Variants in IFT52 observed in about 807,000 individuals in gnomAD.
IFT52 encodes the protein intraflagellar transport 52, also known as intraflagellar transport protein 52 homolog.
Under a neutral mutation model 54.4 loss-of-function variants are expected in IFT52, and 44 were observed. That is an observed-to-expected ratio of 0.81 (90% CI 0.63 to 1.04). The LOEUF (loss-of-function observed/expected upper bound fraction) is 1.04. Ranked by LOEUF, IFT52 falls within the 50% of genes least tolerant of loss-of-function variation. The pLI is 0.00. For missense variants in IFT52, 452 were observed against 523.6 expected (o/e 0.86, Z 1.33); for synonymous variants, 181 against 185.3 (o/e 0.98, Z 0.19).
intron 10 of IFT52, among the ~76,000 whole-genome samples, chr20:43,630,243 T>A (rs1313033381): frequency 6.6e-6 from 1 of 152,256 alleles, no homozygotes; most frequent in African/African-American, 2.4e-5. Context: ...GCTAGCCAGT[T>A]GCAGTCTGAC....
At chr20:43,634,413 A>C (rs1378590267) in intron 10 of IFT52, among the ~76,000 whole-genome samples, 1 of 152,204 alleles carries the variant, frequency 6.6e-6, no homozygotes, top group Admixed American at 6.5e-5. Flanking sequence ...CAGTCACCAA[A>C]GAAAGTGAAA....
chr20:43,612,361 G>T (rs182406364), intron 6 of IFT52, among the ~76,000 whole-genome samples: 1 of 152,136 alleles, frequency 6.6e-6, no homozygotes, highest in East Asian at 1.9e-4. Flanking sequence ...AAAAGTCATA[G>T]GGTAGATGAG....
intron 13 of IFT52, 65 bp downstream of exon 13, chr20:43,642,689 T>C (rs1347349487): frequency 1.3e-6 from 2 of 1,483,068 alleles, no homozygotes; most frequent in African/African-American, 2.8e-5. Flanking sequence ...CCATGGACTG[T>C]GCTTGCCATG....
In IFT52 at chr20:43,623,995, C is replaced by A; in HGVS notation, c.873C>A (p.Phe291Leu). 1 of 1,614,160 alleles carries A rather than the reference C, an allele frequency of 6.2e-7. No homozygotes were observed. Among genetic ancestry groups the A allele is most frequent in the Non-Finnish European group, 8.5e-7 (1 of 1,180,034 alleles). ...DEIPRDFTTL[F>L]DLSIFQLDTT... The stretch of plus-strand genomic sequence containing the variant: ...TCCCAAGGGACTTTACCACCCTCTT[C>A]GACCTGTCCATCTTCCAGCTGGATA... Residue 291 changes from phenylalanine to leucine, a missense_variant, in exon 10 of 14, where the codon TTC becomes TTA. Coordinates refer to ENST00000373030, the MANE Select transcript of IFT52 (RefSeq NM_016004.5).
Position 43,613,897 on chromosome 20 carries a change from A to C in IFT52, c.533A>C (p.Lys178Thr). 6.2e-7 allele frequency: 1 copy of C among 1,614,116 alleles called. No homozygotes were observed. Among genetic ancestry groups the C allele is most frequent in the Non-Finnish European group, 8.5e-7 (1 of 1,179,952 alleles). The change falls in exon 7 of 14, where the codon AAA becomes ACA. Residue 178 changes from lysine (K) to threonine (T), a missense_variant. Coordinates refer to ENST00000373030, the MANE Select transcript of IFT52 (RefSeq NM_016004.5). ...TTTGGTGCCACATTGAGTGTCATGA[A>C]ACCAGCAGTGGCGGTTCTGTCTACA... Reference protein sequence around the residue: ...YPFGATLSVMKPAVAVLSTGS... With the variant: ...YPFGATLSVMTPAVAVLSTGS...
chr20:43,637,195 T>C lies in IFT52; in HGVS notation c.1062T>C (p.Phe354=). 1 of 1,609,454 alleles carries C rather than the reference T, an allele frequency of 6.2e-7. No individual in the cohort carries two copies. The highest frequency in any genetic ancestry group is 2.2e-5 in the East Asian group (1 of 44,732). The change falls in exon 12 of 14, where the codon TTT becomes TTC. Residue 354 remains phenylalanine (F), a synonymous_variant. Transcript: ENST00000373030. ...TACCACCTCCTCCTCTGGAGCTATT[T>C]GATTTAGATGAAACGTTCTCCTCTG... The part of the protein sequence containing the change: ...RELPPPPLEL[F]DLDETFSSEK...
At chr20:43,641,749 C>T (rs1458067543) in intron 12 of IFT52, among the ~76,000 whole-genome samples, 2 of 152,126 alleles carry the variant, frequency 1.3e-5, no homozygotes, top group African/African-American at 4.8e-5. Context: ...TCACCTTGGC[C>T]TCCCAAAGTG....
At position 43,627,497 on chromosome 20, in the gene IFT52, T is replaced by C. The variant is rs547092132; in HGVS notation, c.923+3452T>C. Among the ~76,000 whole-genome samples the C allele has an allele frequency of 2.4e-4, 36 of 152,284 alleles. No individual in the cohort carries two copies. The South Asian group carries it at 6.8e-3, about 29-fold the overall frequency. ...GCAAACATAGATAGCTCTTTTATGG[T>C]ATTTGCTACAGAGAGGAACAGAGCA... is the stretch of plus-strand genomic sequence containing the variant. On this transcript the variant is annotated intron_variant, in intron 10 of 13. Coordinates refer to ENST00000373030, the MANE Select transcript of IFT52 (RefSeq NM_016004.5).
In IFT52 at chr20:43,596,426, T is replaced by C. The variant is rs759585842; in HGVS notation, c.120-9T>C. The C allele has an allele frequency of 6.5e-7, 1 of 1,543,896 alleles. No homozygotes were observed. Among genetic ancestry groups the C allele is most frequent in the Non-Finnish European group, 8.9e-7 (1 of 1,123,964 alleles). On this transcript the variant is annotated splice_polypyrimidine_tract_variant and intron_variant, in intron 2 of 13. Coordinates refer to ENST00000373030, the MANE Select transcript of IFT52 (RefSeq NM_016004.5). ...GACTTCATATTTGCTTTTAAAATTG[T>C]ATTTCCAGCTTAAAAGATGAAATCA...
chr20:43,619,458 A>C (rs1173815223), intron 8 of IFT52, among the ~76,000 whole-genome samples: 1 of 151,966 alleles, frequency 6.6e-6, no homozygotes, highest in Non-Finnish European at 1.5e-5. Flanking sequence ...GAACTTCTAG[A>C]ATGTTTTGGA....
intron 10 of IFT52, among the ~76,000 whole-genome samples, chr20:43,634,199 T>G (rs1008445878): frequency 9.6e-6 from 1 of 104,708 alleles, no homozygotes; most frequent in Non-Finnish European, 1.8e-5. Flanking sequence ...TAGATTGTGG[T>G]TTTTGTGCAT....
At chr20:43,615,283 C>G (rs1260731798) in intron 7 of IFT52, among the ~76,000 whole-genome samples, 3 of 151,236 alleles carry the variant, frequency 2.0e-5, no homozygotes, top group Non-Finnish European at 4.4e-5. Context: ...CTCAGGCAAT[C>G]CCCCCCACCT....
intron 12 of IFT52, among the ~76,000 whole-genome samples, chr20:43,638,868 A>G (rs1985722027): frequency 6.6e-6 from 1 of 152,224 alleles, no homozygotes; most frequent in African/African-American, 2.4e-5. Flanking sequence ...TATGTCAGTA[A>G]CATCTGTATG....
intron 6 of IFT52, among the ~76,000 whole-genome samples, chr20:43,607,513 G>T (rs1356170631): frequency 6.9e-6 from 1 of 145,888 alleles, no homozygotes; most frequent in Non-Finnish European, 1.5e-5. Flanking sequence ...GGGCAGAGGC[G>T]CTCCTCACAT....
At chr20:43,605,707 G>A (rs1055986715) in intron 6 of IFT52, among the ~76,000 whole-genome samples, 4 of 151,940 alleles carry the variant, frequency 2.6e-5, no homozygotes, top group Admixed American at 2.6e-4. Flanking sequence ...AGTTTATAAT[G>A]TTTTTCTTTA....
intron 12 of IFT52, among the ~76,000 whole-genome samples, chr20:43,637,672 A>C (rs1403076085): frequency 6.6e-6 from 1 of 152,206 alleles, no homozygotes; most frequent in Non-Finnish European, 1.5e-5. Flanking sequence ...GGAAAACAAA[A>C]TATGAATAGG....
intron 1 of IFT52, among the ~76,000 whole-genome samples, chr20:43,592,186 C>T (rs1278272541): frequency 2.0e-5 from 3 of 152,038 alleles, no homozygotes; most frequent in Non-Finnish European, 2.9e-5. Flanking sequence ...GAAACACCGT[C>T]TCTACTATGG....
At chr20:43,605,859 T>G (rs1174762785) in intron 6 of IFT52, among the ~76,000 whole-genome samples, 2 of 152,214 alleles carry the variant, frequency 1.3e-5, no homozygotes, top group Non-Finnish European at 2.9e-5. Flanking sequence ...GTGTCAGAAC[T>G]TAGATGCAAA....
intron 3 of IFT52, among the ~76,000 whole-genome samples, chr20:43,596,733 CTTCTTT>C (rs1981988529): frequency 7.7e-6 from 1 of 130,338 alleles, no homozygotes; most frequent in South Asian, 2.5e-4. Flanking sequence ...ATTAGCCACA[CTTCTTT>C]TTTTTTTTTT....
Sources: allele counts gnomAD v4.1 joint callset (sites outside exome capture counted in the v4.1 genomes callset), GRCh38; gene constraint gnomAD v4.1.1; transcripts MANE v1.5; gene names NCBI Gene and HGNC (gene_info 2026-07-23, HGNC 2026-07-21).